SLFN5: variants seen among roughly 807,000 people sequenced by gnomAD.
SLFN5 encodes the protein schlafen family member 5.
A neutral mutation model predicts 48.5 loss-of-function variants in SLFN5; 34 were observed. The ratio of observed to expected loss-of-function variants is 0.70; its 90% CI spans 0.53 to 0.93. The LOEUF (loss-of-function observed/expected upper bound fraction) is 0.93, where lower values mean the gene tolerates loss of function less well. SLFN5 is among the 40% of genes least tolerant of loss of function. SLFN5 has a pLI of 0.00. For synonymous variants in SLFN5, 387 were observed against 396.2 expected, an observed-to-expected ratio of 0.98 and a Z score of 0.28; for missense variants, 1,006 against 1,071.3, an observed-to-expected ratio of 0.94 and a Z score of 0.85.
intron 2 of SLFN5, 134 bp from the exon 3 acceptor site, chr17:35,260,837 C>A: frequency 1.8e-6 from 2 of 1,125,036 alleles, no homozygotes; most frequent in South Asian, 2.3e-5. Flanking sequence ...CTGAGCTGAC[C>A]TGAGATGTAA....
Position 35,265,155 on chromosome 17 carries a change from T to C in SLFN5, c.1943T>C (p.Ile648Thr), listed in dbSNP as rs1219889123. ...TTTGAACACATCCAGCACATTATCATTGATGACGCTCAGAATTTCCGTACT... is the reference window on the plus strand; with the variant it reads ...TTTGAACACATCCAGCACATTATCACTGATGACGCTCAGAATTTCCGTACT... Reference protein sequence around the residue: ...NNFEHIQHIIIDDAQNFRTED... With the variant: ...NNFEHIQHIITDDAQNFRTED... The change falls in exon 5 of 5, where the codon ATT becomes ACT. Residue 648 changes from isoleucine (I) to threonine (T), a missense_variant. Transcript: ENST00000299977. 2.5e-6 allele frequency: 4 copies of C among 1,614,186 alleles called. No homozygotes were observed. Among genetic ancestry groups the C allele is most frequent in the Admixed American group, 1.7e-5 (1 of 60,018 alleles).
intron 1 of SLFN5, among the ~76,000 whole-genome samples, chr17:35,255,451 G>C (rs1425666413): frequency 1.3e-5 from 2 of 152,258 alleles, no homozygotes; most frequent in Non-Finnish European, 2.9e-5. Flanking sequence ...ATATGTGTGT[G>C]TATGCGTGCG....
At chr17:35,248,330 A>T (rs900293943) in intron 1 of SLFN5, among the ~76,000 whole-genome samples, 1 of 152,216 alleles carries the variant, frequency 6.6e-6, no homozygotes, top group Non-Finnish European at 1.5e-5. Context: ...GAGGCCTCCA[A>T]ATGAAATTCT....
At chr17:35,247,937 A>C (rs2092434416) in intron 1 of SLFN5, among the ~76,000 whole-genome samples, 2 of 152,146 alleles carry the variant, frequency 1.3e-5, no homozygotes, top group Admixed American at 1.3e-4. Context: ...GTCCACGGGG[A>C]GTGCTTTCTC....
intron 1 of SLFN5, among the ~76,000 whole-genome samples, chr17:35,252,441 A>G (rs2092444592): frequency 6.6e-6 from 1 of 152,164 alleles, no homozygotes; most frequent in South Asian, 2.1e-4. Flanking sequence ...AACAAAAACC[A>G]AAAAGGACAG....
At position 35,267,383 on chromosome 17, in the gene SLFN5, A is replaced by G. The variant is rs912765666; in HGVS notation, c.*1495A>G. On this transcript the variant is annotated 3_prime_UTR_variant, in exon 5 of 5. Transcript: ENST00000299977. ...CTTACACTATAAACATCTAATAGATATGTATGAAAATTTAAAAACTAGAAA... is the reference window on the plus strand; with the variant it reads ...CTTACACTATAAACATCTAATAGATGTGTATGAAAATTTAAAAACTAGAAA... 3.9e-5 allele frequency: 6 copies of G among 152,164 alleles called. No homozygotes were observed. The highest frequency in any genetic ancestry group is 1.4e-4 in the African/African-American group (6 of 41,442). The allele number at this position is 152,164 out of a possible 1,614,324, so 9.4% of individuals were successfully genotyped here.
At chr17:35,262,467 T>C (rs1904548721) in intron 3 of SLFN5, among the ~76,000 whole-genome samples, 1 of 152,096 alleles carries the variant, frequency 6.6e-6, no homozygotes. Flanking sequence ...TGCCAGATTG[T>C]AAGCTAAAAC....
Position 35,271,485 on chromosome 17 carries a change from A to G in SLFN5, c.*5597A>G, listed in dbSNP as rs1904829677. ...ATACGATGAAAGAAAAAGCCATATTATAATTCCAACAAAAAGATAAAATAA... is the reference window on the plus strand; with the variant it reads ...ATACGATGAAAGAAAAAGCCATATTGTAATTCCAACAAAAAGATAAAATAA... On this transcript the variant is annotated 3_prime_UTR_variant, in exon 5 of 5. Coordinates refer to ENST00000299977, the MANE Select transcript of SLFN5 (RefSeq NM_144975.4). The G allele has an allele frequency of 6.6e-6, 1 of 152,230 alleles. No homozygotes were observed. The highest frequency in any genetic ancestry group is 2.4e-5 in the African/African-American group (1 of 41,466). The allele number at this position is 152,230 out of a possible 1,614,324, so 9.4% of individuals were successfully genotyped here.
In SLFN5 at chr17:35,265,585, T is replaced by C. The variant is rs761862574; in HGVS notation, c.2373T>C (p.Ala791=). 3 of 1,614,246 alleles carry C rather than the reference T, an allele frequency of 1.9e-6. No homozygotes were observed. In the South Asian group the frequency reaches 3.3e-5, roughly 18 times the overall value. Residue 791 remains alanine, a synonymous_variant, in exon 5 of 5, where the codon GCT becomes GCC. Transcript: ENST00000299977. Reference sequence around the variant, plus strand: ...ATGGTTATTCTCCGAAGGATATTGCTGTGCTTTTCACCAAAGCAAGTGAAG... The same window carrying C: ...ATGGTTATTCTCCGAAGGATATTGCCGTGCTTTTCACCAAAGCAAGTGAAG... ...LRNGYSPKDI[A]VLFTKASEVE... is the part of the protein sequence containing the mutation.
chr17:35,264,124 T>C, intron 3 of SLFN5, 59 bp from the exon 4 acceptor site: 1 of 1,513,742 alleles, frequency 6.6e-7, no homozygotes, highest in Non-Finnish European at 8.8e-7. Context: ...CTACGTATAA[T>C]GATGATTACT....
chr17:35,261,176 T>C (rs1008575129), intron 3 of SLFN5, 80 bp downstream of exon 3: 55 of 1,487,910 alleles, frequency 3.7e-5, no homozygotes, highest in Non-Finnish European at 4.7e-5. Context: ...TTATATTATA[T>C]ACAGAATCAA....
chr17:35,244,021 A>T (rs1248625103), intron 1 of SLFN5, among the ~76,000 whole-genome samples: 1 of 152,206 alleles, frequency 6.6e-6, no homozygotes, highest in Non-Finnish European at 1.5e-5. Context: ...GTCTCAGATT[A>T]CATCTTGAAC....
intron 1 of SLFN5, among the ~76,000 whole-genome samples, chr17:35,249,679 T>C (rs2092438106): frequency 6.6e-6 from 1 of 152,214 alleles, no homozygotes. Flanking sequence ...TTCCTCCTCT[T>C]TGATATCATG....
Position 35,259,841 on chromosome 17 carries a change from T to C in SLFN5, c.1012+139T>C, listed in dbSNP as rs571398977. On this transcript the variant is annotated intron_variant, in intron 2 of 4. Coordinates refer to ENST00000299977, the MANE Select transcript of SLFN5 (RefSeq NM_144975.4). ...TCTGATTTGCAATTGTCTGACTTAT[T>C]AATCCCTGTAGATGTAGTTCGTGGA... The C allele has an allele frequency of 8.1e-6, 8 of 988,250 alleles. No individual in the cohort carries two copies. In the Admixed American group the frequency reaches 1.7e-4, roughly 21 times the overall value. The allele number at this position is 988,250 out of a possible 1,614,324, so 61.2% of individuals were successfully genotyped here.
chr17:35,259,739 C>T (rs772235947), intron 2 of SLFN5, 37 bp downstream of exon 2: 46 of 1,588,648 alleles, frequency 2.9e-5, no homozygotes, highest in Non-Finnish European at 3.8e-5. Context: ...GTAATGTTTG[C>T]TGGCAGCAAG....
chr17:35,260,887 A>G lies in SLFN5; in HGVS notation c.1013-84A>G. 2.0e-6 allele frequency: 3 copies of G among 1,521,052 alleles called. No homozygotes were observed. In the South Asian group the frequency reaches 3.8e-5, roughly 19 times the overall value. 94.2% of individuals were successfully genotyped at this position (1,521,052 alleles called of 1,614,324 possible). On this transcript the variant is annotated intron_variant, in intron 2 of 4. Coordinates refer to ENST00000299977, the MANE Select transcript of SLFN5 (RefSeq NM_144975.4). ...GGGCCGTGGCTTGAGTTGTAAGACT[A>G]GGTGAAAGACTTTGTAGCACAGCTC...
Position 35,264,762 on chromosome 17 carries a change from A to G in SLFN5, c.1718A>G (p.Glu573Gly), listed in dbSNP as rs747827937. The G allele has an allele frequency of 6.3e-6, 10 of 1,598,710 alleles. No homozygotes were observed. The Admixed American group carries it at 1.4e-4, about 22-fold the overall frequency. ...TCAAAGAACCTTCGCAAGACCAGAG[A>G]GTTGTTTGTTCATGGCTTACCTGGA... ...LLSKNLRKTRELFVHGLPGSG... is the reference protein window; with the variant it reads ...LLSKNLRKTRGLFVHGLPGSG... The change falls in exon 4 of 5, where the codon GAG (glutamate) becomes GGG (glycine). Residue 573 changes from glutamate (E) to glycine (G), a missense_variant. By Grantham distance (98) the Glu-to-Gly change is moderately conservative. Transcript: ENST00000299977.
Position 35,264,347 on chromosome 17 carries a change from C to G in SLFN5, c.1303C>G (p.Gln435Glu). Residue 435 changes from glutamine (Q) to glutamate (E), a missense_variant, in exon 4 of 5, where the codon CAG (glutamine) becomes GAG (glutamate). Coordinates refer to ENST00000299977, the MANE Select transcript of SLFN5 (RefSeq NM_144975.4). Reference protein sequence around the residue: ...WAVDLGLQEKQGVICDALLIS... With the variant: ...WAVDLGLQEKEGVICDALLIS... ...TGTGGATTTAGGTCTGCAAGAGAAG[C>G]AGGGAGTCATCTGTGATGCTCTTCT... 1 of 1,614,180 alleles carries G rather than the reference C, an allele frequency of 6.2e-7. No individual in the cohort carries two copies. Among genetic ancestry groups the G allele is most frequent in the Non-Finnish European group, 8.5e-7 (1 of 1,180,028 alleles).
Position 35,265,948 on chromosome 17 carries a change from C to A in SLFN5, c.*60C>A. 3 of 1,485,456 alleles carry A rather than the reference C, an allele frequency of 2.0e-6. No homozygotes were observed. The highest frequency in any genetic ancestry group is 1.8e-6 in the Non-Finnish European group (2 of 1,108,748). The allele number at this position is 1,485,456 out of a possible 1,614,324, so 92.0% of individuals were successfully genotyped here. A position where few individuals can be genotyped will look rare whatever the true frequency, so the allele number is the denominator to read the frequency against. On this transcript the variant is annotated 3_prime_UTR_variant, in exon 5 of 5. Transcript: ENST00000299977. ...TCTCATCTCTAATTAACTGTGAAAC[C>A]ATTTAATCCAAACATGTAAGCACAC... is the stretch of plus-strand genomic sequence containing the variant.
Sources: allele counts gnomAD v4.1 joint callset (sites outside exome capture counted in the v4.1 genomes callset), GRCh38; gene constraint gnomAD v4.1.1; transcripts MANE v1.5; gene names NCBI Gene and HGNC (gene_info 2026-07-23, HGNC 2026-07-21).